The following LPAR3 variants were observed in gnomAD, a reference collection of about 807,000 sequenced individuals.
LPAR3 encodes lysophosphatidic acid receptor 3.
In LPAR3, 7 loss-of-function variants were observed where a neutral mutation model predicts 17.8. The ratio of observed to expected loss-of-function variants is 0.39; its 90% CI spans 0.22 to 0.74. The LOEUF (loss-of-function observed/expected upper bound fraction) is 0.74, where lower values mean the gene tolerates loss of function less well. Ranked by LOEUF, LPAR3 falls within the 30% of genes least tolerant of loss-of-function variation. LPAR3 has a pLI of 0.40. For missense variants in LPAR3, 391 were observed against 453.4 expected, an observed-to-expected ratio of 0.86 and a Z score of 1.25; for synonymous variants, 179 against 179.9, an observed-to-expected ratio of 0.99 and a Z score of 0.04.
chr1:84,865,479 C>T lies in LPAR3; in HGVS notation c.642G>A (p.Lys214=). 6.2e-7 allele frequency: 1 copy of T among 1,614,156 alleles called. No homozygotes were observed. The highest frequency in any genetic ancestry group is 1.1e-5 in the South Asian group (1 of 91,080). Residue 214 remains lysine (K), a synonymous_variant, in exon 2 of 3, where the codon AAG becomes AAA. Coordinates refer to ENST00000370611, the MANE Select transcript of LPAR3 (RefSeq NM_012152.3). ...GCGGAGACAAGACGTTGGTTTTCCT[C>T]TTGACGTACACGTAGATCCGCAGGT... is the stretch of plus-strand genomic sequence containing the variant. ...VVYLRIYVYV[K]RKTNVLSPHT...
intron 2 of LPAR3, among the ~76,000 whole-genome samples, chr1:84,832,077 G>T (rs575797182): frequency 6.6e-6 from 1 of 151,956 alleles, no homozygotes; most frequent in Non-Finnish European, 1.5e-5. Context: ...AAATTTGACC[G>T]AACTGAGTTT....
intron 2 of LPAR3, among the ~76,000 whole-genome samples, chr1:84,845,646 T>C (rs545631855): frequency 6.6e-6 from 1 of 152,182 alleles, no homozygotes; most frequent in Non-Finnish European, 1.5e-5. Flanking sequence ...ATTAATCTTT[T>C]TAATTACGCT....
At chr1:84,842,288 A>C (rs999722053) in intron 2 of LPAR3, among the ~76,000 whole-genome samples, 1 of 152,242 alleles carries the variant, frequency 6.6e-6, no homozygotes, top group Non-Finnish European at 1.5e-5. Flanking sequence ...TGAAACACAC[A>C]GTTCCTTCCA....
chr1:84,828,872 G>T (rs1416072029), intron 2 of LPAR3, among the ~76,000 whole-genome samples: 1 of 152,116 alleles, frequency 6.6e-6, no homozygotes, highest in Non-Finnish European at 1.5e-5. Context: ...TTATGGGTAC[G>T]ACATTGCTGT....
In LPAR3 at chr1:84,865,535, G is replaced by T; in HGVS notation, c.586C>A (p.Leu196Ile). 1 of 1,614,206 alleles carries T rather than the reference G, an allele frequency of 6.2e-7. No individual in the cohort carries two copies. The highest frequency in any genetic ancestry group is 1.1e-5 in the South Asian group (1 of 91,084). Residue 196 changes from leucine to isoleucine, a missense_variant, in exon 2 of 3, where the codon CTC (leucine) becomes ATC (isoleucine). Coordinates refer to ENST00000370611, the MANE Select transcript of LPAR3 (RefSeq NM_012152.3). ...ACAACCATGATGAGGAAGGCCATGA[G>T]GTTGGACACTGTCCAGAAAACAAGG... is the stretch of plus-strand genomic sequence containing the variant. The part of the protein sequence containing the change: ...SYLVFWTVSN[L>I]MAFLIMVVVY...
chr1:84,834,478 T>C (rs978276029), intron 2 of LPAR3, among the ~76,000 whole-genome samples: 3 of 152,208 alleles, frequency 2.0e-5, no homozygotes, highest in South Asian at 2.1e-4. Flanking sequence ...AACTTTACTG[T>C]TCCTATGGGT....
At chr1:84,878,132 TTCTC>T (rs1029242503) in intron 1 of LPAR3, among the ~76,000 whole-genome samples, 1 of 152,226 alleles carries the variant, frequency 6.6e-6, no homozygotes, top group Admixed American at 6.5e-5. Context: ...GCTGGTATCC[TTCTC>T]TCTCTGATTT....
intron 2 of LPAR3, among the ~76,000 whole-genome samples, chr1:84,836,338 T>TAAA (rs77497063): frequency 0.017 from 2,230 of 129,010 alleles, 36 homozygotes; most frequent in African/African-American, 0.033. Context: ...ATCCTGTCTT[T>TAAA]AAAAAAAAAA....
intron 2 of LPAR3, among the ~76,000 whole-genome samples, chr1:84,825,760 G>A (rs1659143247): frequency 6.6e-6 from 1 of 152,216 alleles, no homozygotes; most frequent in Non-Finnish European, 1.5e-5. Flanking sequence ...ATCTCAAACA[G>A]AGAAAGGCCC....
chr1:84,883,084 G>A (rs550463755), intron 1 of LPAR3, among the ~76,000 whole-genome samples: 5 of 152,280 alleles, frequency 3.3e-5, no homozygotes, highest in African/African-American at 4.8e-5. Context: ...ATGGAGCCTC[G>A]ATTTCCTTTT....
chr1:84,878,896 C>T (rs1301709639), intron 1 of LPAR3, among the ~76,000 whole-genome samples: 1 of 152,184 alleles, frequency 6.6e-6, no homozygotes, highest in Non-Finnish European at 1.5e-5. Context: ...AGCCACTTTA[C>T]CTGAGGCCTA....
chr1:84,886,786 G>A (rs1660468434), intron 1 of LPAR3, among the ~76,000 whole-genome samples: 2 of 152,156 alleles, frequency 1.3e-5, no homozygotes, highest in South Asian at 2.1e-4. Flanking sequence ...GTCAAGGAAA[G>A]TAGAAGATGA....
chr1:84,859,459 T>A (rs1659894118), intron 2 of LPAR3, among the ~76,000 whole-genome samples: 1 of 151,984 alleles, frequency 6.6e-6, no homozygotes, highest in Admixed American at 6.6e-5. Flanking sequence ...TTTAAAAGAG[T>A]TCAGTGCTTT....
At chr1:84,823,315 T>C (rs552721920) in intron 2 of LPAR3, among the ~76,000 whole-genome samples, 1 of 152,340 alleles carries the variant, frequency 6.6e-6, no homozygotes, top group Admixed American at 6.5e-5. Flanking sequence ...GTCAAATTCA[T>C]ATTCATTTAG....
intron 1 of LPAR3, among the ~76,000 whole-genome samples, chr1:84,887,060 G>A (rs1045487846): frequency 4.6e-5 from 7 of 152,052 alleles, no homozygotes; most frequent in African/African-American, 1.4e-4. Context: ...AAAGAGTGAC[G>A]GTGATAAAGA....
At position 84,847,490 on chromosome 1, in the gene LPAR3, C is replaced by G. The variant is rs1228529369; in HGVS notation, c.736+17895G>C. Among the ~76,000 whole-genome samples the G allele has an allele frequency of 2.0e-5, 3 of 152,218 alleles. No individual in the cohort carries two copies. The East Asian group carries it at 5.8e-4, about 29-fold the overall frequency. On this transcript the variant is annotated intron_variant, in intron 2 of 2. Coordinates refer to ENST00000370611, the MANE Select transcript of LPAR3 (RefSeq NM_012152.3). ...AAGAATTGTCTGGGCCAGCCCTGTTCTGGCAAACTTCCAAACCCAAGTGCC... is the reference window on the plus strand; with the variant it reads ...AAGAATTGTCTGGGCCAGCCCTGTTGTGGCAAACTTCCAAACCCAAGTGCC...
At chr1:84,891,449 T>C (rs1459717625) in intron 1 of LPAR3, among the ~76,000 whole-genome samples, 3 of 152,306 alleles carry the variant, frequency 2.0e-5, no homozygotes, top group African/African-American at 7.2e-5. Flanking sequence ...TGGCAGGGTT[T>C]GCTCGCTCGT....
At chr1:84,845,509 C>T (rs1983853) in intron 2 of LPAR3, among the ~76,000 whole-genome samples, 14,772 of 152,202 alleles carry the variant, frequency 0.097, 819 homozygotes, top group Middle Eastern at 0.18. Flanking sequence ...ATCTGTCAAA[C>T]ATGAAAGGGA....
intron 2 of LPAR3, among the ~76,000 whole-genome samples, chr1:84,864,223 A>C (rs1336101029): frequency 6.9e-6 from 1 of 144,204 alleles, no homozygotes; most frequent in Admixed American, 6.8e-5. Context: ...AAAAAAAAAA[A>C]ACAAAAAACA....
Sources: allele counts gnomAD v4.1 joint callset (sites outside exome capture counted in the v4.1 genomes callset), GRCh38; gene constraint gnomAD v4.1.1; transcripts MANE v1.5; gene names NCBI Gene and HGNC (gene_info 2026-07-23, HGNC 2026-07-21).